RAMP1: variants seen among roughly 807,000 people sequenced by gnomAD.
RAMP1 encodes receptor activity modifying protein 1.
In RAMP1, 7 loss-of-function variants were observed where a neutral mutation model predicts 8.2. The ratio of observed to expected loss-of-function variants is 0.85; its 90% CI spans 0.49 to 1.60. The LOEUF (loss-of-function observed/expected upper bound fraction) is 1.60. Among genes scored for constraint, RAMP1 ranks in the 40% most tolerant of loss-of-function variants. The pLI is 0.00. For missense variants in RAMP1, 192 were observed against 202.4 expected, an observed-to-expected ratio of 0.95 and a Z score of 0.31; for synonymous variants, 92 against 84.7, an observed-to-expected ratio of 1.09 and a Z score of -0.47.
At chr2:237,894,340 T>A (rs1317435913) in intron 2 of RAMP1, among the ~76,000 whole-genome samples, 2 of 152,226 alleles carry the variant, frequency 1.3e-5, no homozygotes, top group African/African-American at 2.4e-5. Flanking sequence ...GTTTCCTTTA[T>A]CCCCAAGCCT....
rs186304110 is a variant in RAMP1 at position 237,895,284 on chromosome 2, G to A, written c.192-16244G>A. ...CCTGCTGTGCAAAGGGGTCCTGTGG[G>A]GGGGTCATGGGCTCCCATCAGAGAA... On this transcript the variant is annotated intron_variant, in intron 2 of 2. Coordinates refer to ENST00000254661, the MANE Select transcript of RAMP1 (RefSeq NM_005855.4). Among the ~76,000 whole-genome samples, 19 of 152,260 alleles carry A rather than the reference G, an allele frequency of 1.2e-4. No homozygotes were observed. The East Asian group carries it at 2.9e-3, about 23-fold the overall frequency.
intron 2 of RAMP1, among the ~76,000 whole-genome samples, chr2:237,902,616 T>C (rs1180956883): frequency 6.6e-6 from 1 of 151,756 alleles, no homozygotes; most frequent in East Asian, 1.9e-4. Flanking sequence ...CCACTGAGAC[T>C]GGAGAGGCCC....
At chr2:237,868,924 C>A (rs947638371) in intron 1 of RAMP1, among the ~76,000 whole-genome samples, 1 of 152,204 alleles carries the variant, frequency 6.6e-6, no homozygotes, top group African/African-American at 2.4e-5. Context: ...GGAACCACAA[C>A]CATGACTTAG....
chr2:237,901,426 T>C (rs1360049010), intron 2 of RAMP1, among the ~76,000 whole-genome samples: 1 of 152,234 alleles, frequency 6.6e-6, no homozygotes, highest in East Asian at 1.9e-4. Context: ...AAGCCAAATA[T>C]GATTGAAGCA....
At chr2:237,859,535 C>A, upstream of RAMP1, 1 of 398,312 alleles carries the variant, frequency 2.5e-6, no homozygotes. Flanking sequence ...CCGCAGTGGG[C>A]CGGGCCGCGC....
chr2:237,911,880 C>T lies in RAMP1; in HGVS notation c.*97C>T. On this transcript the variant is annotated 3_prime_UTR_variant, in exon 3 of 3. Coordinates refer to ENST00000254661, the MANE Select transcript of RAMP1 (RefSeq NM_005855.4). The stretch of plus-strand genomic sequence containing the variant: ...TTCTGGAGCCTTGGGACAGAGCAGG[C>T]CCACAATGCCCCCCTTCTTCCAGCC... The T allele has an allele frequency of 1.4e-6, 2 of 1,439,224 alleles. No homozygotes were observed. Among genetic ancestry groups the T allele is most frequent in the Non-Finnish European group, 1.8e-6 (2 of 1,086,018 alleles). The allele number at this position is 1,439,224 out of a possible 1,614,324, so 89.2% of individuals were successfully genotyped here.
At chr2:237,874,041 A>G (rs1265370448) in intron 1 of RAMP1, among the ~76,000 whole-genome samples, 1 of 152,186 alleles carries the variant, frequency 6.6e-6, no homozygotes, top group Non-Finnish European at 1.5e-5. Flanking sequence ...GGGAGGCAGA[A>G]TGGCTCTAAG....
intron 2 of RAMP1, among the ~76,000 whole-genome samples, chr2:237,887,323 G>T (rs936067623): frequency 7.2e-5 from 11 of 152,198 alleles, no homozygotes; most frequent in African/African-American, 2.7e-4. Flanking sequence ...AGCATTCTCA[G>T]TCCCCTGTGG....
chr2:237,908,688 A>G (rs10460272), intron 2 of RAMP1, among the ~76,000 whole-genome samples: 135,748 of 152,172 alleles, frequency 0.89, 60,800 homozygotes, highest in African/African-American at 0.97. Context: ...CACCCGCCTC[A>G]GCCTCCCAAA....
At chr2:237,876,188 C>G (rs888221292) in intron 1 of RAMP1, among the ~76,000 whole-genome samples, 2 of 152,210 alleles carry the variant, frequency 1.3e-5, no homozygotes, top group Non-Finnish European at 1.5e-5. Context: ...CCCCAGGCCA[C>G]GTGCCGGAGA....
chr2:237,875,425 A>G (rs3820800), intron 1 of RAMP1, among the ~76,000 whole-genome samples: 28,577 of 150,100 alleles, frequency 0.19, 2,914 homozygotes, highest in Middle Eastern at 0.28. Context: ...GCCTTCCCAG[A>G]GGCAGATGCA....
chr2:237,876,307 C>T (rs1229400240), intron 1 of RAMP1, among the ~76,000 whole-genome samples: 2 of 152,242 alleles, frequency 1.3e-5, no homozygotes, highest in African/African-American at 4.8e-5. Context: ...TGTCCTCACT[C>T]ATGAGGCCCA....
Position 237,878,092 on chromosome 2 carries a change from T to A in RAMP1, c.191+730T>A. On this transcript the variant is annotated intron_variant, in intron 2 of 2. Transcript: ENST00000254661. This position sits in a 1 kb window ranked among gnomAD's most constrained non-coding sequence, Gnocchi z 5.7. ...TGCCTCCGTGGGAGGCGCTGGGGTG[T>A]CCTGGGGCTGCAGTGGGTGAGTAGC... 4 of 985,428 alleles carry A rather than the reference T, an allele frequency of 4.1e-6. No homozygotes were observed. The highest frequency in any genetic ancestry group is 3.6e-6 in the Non-Finnish European group (3 of 829,928). The allele number at this position is 985,428 out of a possible 1,614,324, so 61.0% of individuals were successfully genotyped here. A position where few individuals can be genotyped will look rare whatever the true frequency, so the allele number is the denominator to read the frequency against.
At chr2:237,860,881 G>A (rs998837015) in intron 1 of RAMP1, among the ~76,000 whole-genome samples, 1 of 151,872 alleles carries the variant, frequency 6.6e-6, no homozygotes, top group Non-Finnish European at 1.5e-5. Flanking sequence ...CCTCTCCAAG[G>A]GGTGGCAGAT....
chr2:237,879,657 C>G (rs1376759296), intron 2 of RAMP1, among the ~76,000 whole-genome samples: 1 of 131,778 alleles, frequency 7.6e-6, no homozygotes, highest in East Asian at 2.3e-4. Flanking sequence ...CAAACCTGCA[C>G]GTTGTGCACA....
At chr2:237,887,923 G>T (rs1019627239) in intron 2 of RAMP1, among the ~76,000 whole-genome samples, 1 of 152,146 alleles carries the variant, frequency 6.6e-6, no homozygotes, top group Admixed American at 6.5e-5. Flanking sequence ...TGAAATAAAT[G>T]ACAACACTAT....
At chr2:237,876,328 C>T (rs1272317054) in intron 1 of RAMP1, among the ~76,000 whole-genome samples, 1 of 152,224 alleles carries the variant, frequency 6.6e-6, no homozygotes, top group Non-Finnish European at 1.5e-5. Flanking sequence ...GGGGGCCAGG[C>T]GGTGGGCTGC....
Position 237,877,352 on chromosome 2 carries a change from A to G in RAMP1, c.181A>G (p.Arg61Gly). The change falls in exon 2 of 3, where the codon AGG becomes GGG. Residue 61 changes from arginine (R) to glycine (G), a missense_variant. Arg to Gly is a moderately radical substitution (Grantham distance 125, BLOSUM62 -2). Coordinates refer to ENST00000254661, the MANE Select transcript of RAMP1 (RefSeq NM_005855.4). The surrounding 1 kb of genome is among the most constrained non-coding windows in gnomAD (Gnocchi z 4.4). Reference sequence around the variant, plus strand: ...GGAGACGCTGTGGTGTGACTGGGGCAGGACCATCAGGTGAGTCCCATGGCC... The same window carrying G: ...GGAGACGCTGTGGTGTGACTGGGGCGGGACCATCAGGTGAGTCCCATGGCC... Reference protein sequence around the residue: ...VGETLWCDWGRTIRSYRELAD... With the variant: ...VGETLWCDWGGTIRSYRELAD... The G allele has an allele frequency of 6.2e-7, 1 of 1,612,668 alleles. No homozygotes were observed. The highest frequency in any genetic ancestry group is 2.2e-5 in the East Asian group (1 of 44,876).
At chr2:237,860,823 G>A (rs188092191) in intron 1 of RAMP1, among the ~76,000 whole-genome samples, 247 of 152,294 alleles carry the variant, frequency 1.6e-3, no homozygotes, top group African/African-American at 5.7e-3. Context: ...GCGAGGAGAG[G>A]GGCCAGGGCT....
Sources: gnomAD v4.1 joint callset for allele counts (sites outside exome capture counted in the v4.1 genomes callset) on GRCh38, gnomAD v4.1.1 for gene constraint, Gnocchi (gnomAD v3.1) non-coding constraint, MANE v1.5 for transcripts, NCBI Gene and HGNC (gene_info 2026-07-23, HGNC 2026-07-21) for gene names.